L3MBTL1: variants seen among roughly 807,000 people sequenced by gnomAD.
L3MBTL1 encodes the protein lethal(3)malignant brain tumor-like protein 1.
L3MBTL1 carries 75 observed loss-of-function variants against 105.3 expected under a neutral mutation model. The observed-to-expected ratio is 0.71, with a 90% CI of 0.59 to 0.86. The LOEUF (loss-of-function observed/expected upper bound fraction) is 0.86, where lower values mean the gene tolerates loss of function less well. Ranked by LOEUF, L3MBTL1 falls within the 40% of genes least tolerant of loss-of-function variation. The pLI is 0.00. For missense variants in L3MBTL1, 1,069 were observed against 1,126.4 expected (o/e 0.95, Z 0.73); for synonymous variants, 452 against 436.2 (o/e 1.04, Z -0.45).
Position 43,513,577 on chromosome 20 carries a change from T to C in L3MBTL1, c.74T>C (p.Leu25Ser). 6.4e-7 allele frequency: 1 copy of C among 1,550,640 alleles called. No homozygotes were observed. Among genetic ancestry groups the C allele is most frequent in the Non-Finnish European group, 8.7e-7 (1 of 1,147,000 alleles). ...TCCACAGGGGAGGTCAGCATGCACT[T>C]GGTGGCCGGAGACAGCCCCGGTTCT... ...GPSTGEVSMH[L>S]VAGDSPGSGP... The change falls in exon 2 of 22, where the codon TTG becomes TCG. Residue 25 changes from leucine (L) to serine (S), a missense_variant. Coordinates refer to ENST00000418998, the MANE Select transcript of L3MBTL1 (RefSeq NM_001377303.1).
At chr20:43,534,579 T>C in intron 15 of L3MBTL1, 185 bp downstream of exon 15, 1 of 618,552 alleles carries the variant, frequency 1.6e-6, no homozygotes, top group Non-Finnish European at 2.8e-6. Flanking sequence ...CTCTAAGCCT[T>C]ACATCATCTG....
At chr20:43,516,270 A>G in intron 7 of L3MBTL1, 93 bp downstream of exon 7, 1 of 872,386 alleles carries the variant, frequency 1.1e-6, no homozygotes, top group South Asian at 1.4e-5. Context: ...TTGTGATGGT[A>G]GGTTGTACAT....
chr20:43,549,314 C>G (rs1368966596), exon 19 of L3MBTL1: 1 of 152,262 alleles, frequency 6.6e-6, no homozygotes, highest in East Asian at 1.9e-4. Context: ...TAGCACACAC[C>G]CCCATGACAT....
chr20:43,538,610 C>A (rs970964391), intron 19 of L3MBTL1, among the ~76,000 whole-genome samples: 7 of 152,254 alleles, frequency 4.6e-5, no homozygotes, highest in African/African-American at 1.7e-4. Context: ...GAGGACAGGG[C>A]TTGGCTGGGC....
At chr20:43,533,646 G>T (rs1246499654) in intron 13 of L3MBTL1, among the ~76,000 whole-genome samples, 1 of 152,176 alleles carries the variant, frequency 6.6e-6, no homozygotes, top group Non-Finnish European at 1.5e-5. Context: ...AAAGTTACAT[G>T]ACCATCTCAG....
chr20:43,538,868 T>C (rs945096453), intron 19 of L3MBTL1: 1 of 152,234 alleles, frequency 6.6e-6, no homozygotes, highest in Non-Finnish European at 1.5e-5. Flanking sequence ...AGTACCTGGG[T>C]GTACCAGAGG....
In L3MBTL1 at chr20:43,540,161, C is replaced by T. The variant is rs368743623; in HGVS notation, c.2184C>T (p.Pro728=). ...IPQEDFQTLT[P]DVVHQSLFMS... ...GCCTCTGCTTTCCAGCCCTCACGCC[C>T]GATGTCGTGCACCAGTCCCTCTTCA... is the stretch of plus-strand genomic sequence containing the variant. Residue 728 remains proline (P), a synonymous_variant, in exon 20 of 22, where the codon CCC becomes CCT. Coordinates refer to ENST00000418998, the MANE Select transcript of L3MBTL1 (RefSeq NM_001377303.1). The T allele has an allele frequency of 5.9e-5, 95 of 1,612,198 alleles. No individual in the cohort carries two copies. The highest frequency in any genetic ancestry group is 4.7e-4 in the East Asian group (21 of 44,862).
intron 7 of L3MBTL1, among the ~76,000 whole-genome samples, chr20:43,522,947 CA>C (rs558647277): frequency 5.0e-4 from 71 of 142,628 alleles, no homozygotes; most frequent in Admixed American, 4.9e-4. Flanking sequence ...AATAAGAATA[CA>C]AAAAAAAAAA....
intron 4 of L3MBTL1, 83 bp downstream of exon 4, chr20:43,514,859 G>A (rs1024503261): frequency 6.9e-6 from 10 of 1,458,652 alleles, no homozygotes; most frequent in Non-Finnish European, 9.2e-6. Flanking sequence ...CGGGGGCGGG[G>A]CCCGGGGTGG....
At chr20:43,544,731 A>G (rs943773305), downstream of L3MBTL1, among the ~76,000 whole-genome samples, 2 of 152,176 alleles carry the variant, frequency 1.3e-5, no homozygotes, top group Non-Finnish European at 2.9e-5. Flanking sequence ...TTGGGAGGCC[A>G]AGGCGGGCGG....
chr20:43,510,054 G>A (rs1345980531), intron 1 of L3MBTL1, among the ~76,000 whole-genome samples: 1 of 152,078 alleles, frequency 6.6e-6, no homozygotes, highest in East Asian at 1.9e-4. Context: ...TGGTAGAGAT[G>A]GAGTTTCAAC....
chr20:43,547,039 T>A (rs1978646273), intron 18 of L3MBTL1, among the ~76,000 whole-genome samples: 3 of 152,216 alleles, frequency 2.0e-5, no homozygotes, highest in Admixed American at 1.3e-4. Flanking sequence ...TTGGTTTTTA[T>A]GTCTCTTAAG....
downstream of L3MBTL1, among the ~76,000 whole-genome samples, chr20:43,545,028 C>T (rs912234964): frequency 1.3e-5 from 2 of 152,004 alleles, no homozygotes; most frequent in African/African-American, 4.8e-5. Flanking sequence ...TTAACTCTGC[C>T]AGGGGTTTCT....
At chr20:43,509,283 G>T (rs2018071898) in intron 1 of L3MBTL1, among the ~76,000 whole-genome samples, 1 of 151,502 alleles carries the variant, frequency 6.6e-6, no homozygotes, top group Non-Finnish European at 1.5e-5. Context: ...CGAGTGTAGT[G>T]GTGTGATCAT....
chr20:43,537,284 G>T (rs1320174289), intron 19 of L3MBTL1, among the ~76,000 whole-genome samples: 1 of 152,230 alleles, frequency 6.6e-6, no homozygotes, highest in African/African-American at 2.4e-5. Context: ...AGTTCTGGAG[G>T]CCAGAAGTCC....
chr20:43,540,608 C>T, intron 20 of L3MBTL1, 145 bp from the exon 21 acceptor site: 1 of 804,794 alleles, frequency 1.2e-6, no homozygotes, highest in Non-Finnish European at 1.9e-6. Context: ...GGCACATCTG[C>T]CAGCATAGAA....
At chr20:43,516,198 A>C in intron 7 of L3MBTL1, 21 bp downstream of exon 7, 1 of 1,592,726 alleles carries the variant, frequency 6.3e-7, no homozygotes, top group Non-Finnish European at 8.6e-7. Flanking sequence ...TTGTGTGTAT[A>C]TATATTCGTG....
At position 43,531,110 on chromosome 20, in the gene L3MBTL1, A is replaced by G. The variant is rs775698679; in HGVS notation, c.1284+221A>G. On this transcript the variant is annotated intron_variant, in intron 11 of 21. Transcript: ENST00000418998. The stretch of plus-strand genomic sequence containing the variant: ...TCCCGACTTCCCTCCCTCCTTTGCT[A>G]CTGCAGATACCCTGTCCTCACATCC... The G allele has an allele frequency of 7.6e-4, 427 of 558,458 alleles. 9 individuals are homozygous for G. The South Asian group carries it at 7.9e-3, about 10-fold the overall frequency. 34.6% of individuals were successfully genotyped at this position (558,458 alleles called of 1,614,324 possible).
chr20:43,518,849 T>TAAAAAA, intron 7 of L3MBTL1, among the ~76,000 whole-genome samples: 1 of 3,786 alleles, frequency 2.6e-4, no homozygotes, highest in Non-Finnish European at 4.5e-4. Context: ...CTACTAAAAA[T>TAAAAAA]ACAAAAAAAA....
Sources: gnomAD v4.1 joint callset for allele counts (sites outside exome capture counted in the v4.1 genomes callset) on GRCh38, gnomAD v4.1.1 for gene constraint, MANE v1.5 for transcripts, NCBI Gene and HGNC (gene_info 2026-07-23, HGNC 2026-07-21) for gene names.